NRXN1: variants seen among roughly 807,000 people sequenced by gnomAD.
The protein encoded by NRXN1 is neurexin-1.
NRXN1 carries 39 observed loss-of-function variants against 150.9 expected under a neutral mutation model. The observed-to-expected ratio is 0.26, with a 90% confidence interval of 0.20 to 0.34. The LOEUF is 0.34. NRXN1 is among the 10% of genes least tolerant of loss of function. NRXN1 has a pLI of 1.00. For missense variants in NRXN1, 1,815 were observed against 1,949.9 expected, an observed-to-expected ratio of 0.93 and a Z score of 1.30; for synonymous variants, 924 against 757.0, an observed-to-expected ratio of 1.22 and a Z score of -3.62.
chr2:50,847,078 C>A (rs1394844172), intron 5 of NRXN1, among the ~76,000 whole-genome samples: 2 of 152,062 alleles, frequency 1.3e-5, no homozygotes, highest in African/African-American at 2.4e-5. Context: ...AACTTATATT[C>A]TCGGTATTGG....
intron 8 of NRXN1, chr2:50,616,189 A>T (rs1209524328): frequency 1.3e-5 from 2 of 152,256 alleles, no homozygotes; most frequent in African/African-American, 2.4e-5. Flanking sequence ...TTTAAAAAAA[A>T]CTACTTTGAT....
intron 5 of NRXN1, among the ~76,000 whole-genome samples, chr2:50,852,395 C>A (rs1674646540): frequency 2.0e-5 from 3 of 152,122 alleles, no homozygotes; most frequent in Admixed American, 6.6e-5. Flanking sequence ...CCTCTTATTT[C>A]ATTTTCTTTT....
chr2:50,052,667 G>A (rs1692908560), intron 21 of NRXN1, among the ~76,000 whole-genome samples: 1 of 151,986 alleles, frequency 6.6e-6, no homozygotes. Context: ...TGTAGGTGAG[G>A]GCAATTAATC....
chr2:50,498,627 T>A (rs540853047), intron 13 of NRXN1, among the ~76,000 whole-genome samples: 2 of 152,252 alleles, frequency 1.3e-5, no homozygotes, highest in East Asian at 3.9e-4. Flanking sequence ...GCAAACTTAG[T>A]CCCATCTTTA....
intron 17 of NRXN1, among the ~76,000 whole-genome samples, chr2:50,455,335 G>A (rs1436212815): frequency 6.6e-6 from 1 of 152,112 alleles, no homozygotes; most frequent in Non-Finnish European, 1.5e-5. Flanking sequence ...ATAGCTTTCA[G>A]GGACTCAGAT....
intron 21 of NRXN1, among the ~76,000 whole-genome samples, chr2:50,051,385 T>G (rs1364562086): frequency 6.6e-6 from 1 of 152,030 alleles, no homozygotes; most frequent in Non-Finnish European, 1.5e-5. Flanking sequence ...ACAAGACTAC[T>G]AAGAAAAATA....
At chr2:50,222,673 A>T (rs1014960868) in intron 18 of NRXN1, among the ~76,000 whole-genome samples, 3 of 151,988 alleles carry the variant, frequency 2.0e-5, no homozygotes, top group African/African-American at 7.2e-5. Context: ...TAGCAGATGC[A>T]TGTTATGAGG....
chr2:49,925,836 T>TA (rs998308726), intron 22 of NRXN1, among the ~76,000 whole-genome samples: 8 of 152,106 alleles, frequency 5.3e-5, no homozygotes, highest in South Asian at 4.1e-4. Flanking sequence ...TTTAACTTGT[T>TA]AAAAAAAGCA....
chr2:50,917,025 A>C (rs1418660329), intron 5 of NRXN1: 1 of 151,748 alleles, frequency 6.6e-6, no homozygotes, highest in African/African-American at 2.4e-5. Flanking sequence ...CTGTATAGAT[A>C]AAAGTAGATA....
intron 5 of NRXN1, among the ~76,000 whole-genome samples, chr2:50,757,358 C>T (rs1701261351): frequency 1.3e-5 from 2 of 151,624 alleles, no homozygotes; most frequent in African/African-American, 4.8e-5. Flanking sequence ...AAGAAGAGAG[C>T]AAATTGGTAA....
rs766534624 is a variant in NRXN1 at position 50,373,679 on chromosome 2, A to AAGGAAAGAAAGAAAGAAAGAAAG, written c.3364+91762_3364+91763insCTTTCTTTCTTTCTTTCTTTCCT. Among the ~76,000 whole-genome samples the AAGGAAAGAAAGAAAGAAAGAAAG allele has an allele frequency of 3.9e-3, 256 of 65,490 alleles. 1 individual carries two copies. Among genetic ancestry groups the AAGGAAAGAAAGAAAGAAAGAAAG allele is most frequent in the African/African-American group, 0.011 (177 of 16,542 alleles). The allele number at this position is 65,490 out of a possible 152,430, so 43.0% of individuals were successfully genotyped here. Reference sequence around the variant, plus strand: ...GAAAGAAAGAAAGAAAGAAAGAAAGAAAAGAAAGAAGGAAAGAAAGAAAGA... The same window carrying AAGGAAAGAAAGAAAGAAAGAAAG: ...GAAAGAAAGAAAGAAAGAAAGAAAGAAGGAAAGAAAGAAAGAAAGAAAGAAAGAAAGAAGGAAAGAAAGAAAGA... On this transcript the variant is annotated intron_variant, in intron 17 of 22. Coordinates refer to ENST00000401669, the MANE Select transcript of NRXN1 (RefSeq NM_001330078.2).
intron 5 of NRXN1, among the ~76,000 whole-genome samples, chr2:50,836,031 C>T (rs1254566780): frequency 3.3e-5 from 5 of 152,052 alleles, no homozygotes; most frequent in Admixed American, 6.6e-5. Flanking sequence ...ATTCTTTTCA[C>T]GTTTGTAAAA....
intron 17 of NRXN1, among the ~76,000 whole-genome samples, chr2:50,342,134 T>C (rs1350964817): frequency 6.6e-6 from 1 of 152,178 alleles, no homozygotes; most frequent in Non-Finnish European, 1.5e-5. Flanking sequence ...ATGCTCATAG[T>C]AGGAATTTAT....
intron 15 of NRXN1, among the ~76,000 whole-genome samples, chr2:50,487,224 C>T (rs755178038): frequency 2.0e-5 from 3 of 152,124 alleles, no homozygotes; most frequent in Non-Finnish European, 4.4e-5. Flanking sequence ...TATACCCTGC[C>T]TAAGGAAATA....
chr2:50,188,683 A>G (rs984233890), intron 18 of NRXN1, among the ~76,000 whole-genome samples: 4 of 152,188 alleles, frequency 2.6e-5, no homozygotes, highest in Non-Finnish European at 5.9e-5. Flanking sequence ...ACAAGAAAAA[A>G]AAAACATCAA....
chr2:50,911,298 C>T (rs1018260624), intron 5 of NRXN1, among the ~76,000 whole-genome samples: 5 of 151,780 alleles, frequency 3.3e-5, no homozygotes, highest in Admixed American at 2.0e-4. Flanking sequence ...TTCTTGTCCC[C>T]ATAGGAGCTT....
chr2:50,145,900 G>A (rs775941148), intron 18 of NRXN1, among the ~76,000 whole-genome samples: 8 of 151,572 alleles, frequency 5.3e-5, no homozygotes, highest in Admixed American at 4.6e-4. Flanking sequence ...ATGGATAGGT[G>A]ATATGGTACT....
chr2:50,909,528 T>C (rs906504936), intron 5 of NRXN1, among the ~76,000 whole-genome samples: 1 of 152,048 alleles, frequency 6.6e-6, no homozygotes, highest in Non-Finnish European at 1.5e-5. Context: ...ATGTACTTTC[T>C]GGCTCCTAGT....
intron 18 of NRXN1, among the ~76,000 whole-genome samples, chr2:50,144,175 G>C (rs553575353): frequency 6.6e-6 from 1 of 151,846 alleles, no homozygotes; most frequent in African/African-American, 2.4e-5. Context: ...ACAGTTTTGG[G>C]ATCCAAAAAA....
Sources: allele counts gnomAD v4.1 joint callset (sites outside exome capture counted in the v4.1 genomes callset), GRCh38; gene constraint gnomAD v4.1.1; transcripts MANE v1.5; gene names NCBI Gene and HGNC (gene_info 2026-07-23, HGNC 2026-07-21).